Variants in SPTLC1 observed in about 807,000 individuals in gnomAD.
SPTLC1 encodes serine palmitoyltransferase long chain base subunit 1, also known as serine palmitoyltransferase 1.
A neutral mutation model predicts 68.9 loss-of-function variants in SPTLC1; 55 were observed. That is an observed-to-expected ratio of 0.80 (90% CI 0.64 to 1.00). The LOEUF (loss-of-function observed/expected upper bound fraction) is 1.00, where lower values mean the gene tolerates loss of function less well. Ranked by LOEUF, SPTLC1 falls within the 50% of genes least tolerant of loss-of-function variation. SPTLC1 has a pLI of 0.00. For synonymous variants in SPTLC1, 197 were observed against 201.6 expected (o/e 0.98, Z 0.19); for missense variants, 449 against 573.1 (o/e 0.78, Z 2.21).
intron 1 of SPTLC1, among the ~76,000 whole-genome samples, chr9:92,114,437 T>C (rs1467052908): frequency 6.6e-6 from 1 of 151,970 alleles, no homozygotes; most frequent in African/African-American, 2.4e-5. Context: ...TTAACTATTC[T>C]TCCTTTAAAA....
At chr9:92,033,094 GGCAGGGAATCT>G (rs1165587659) in intron 14 of SPTLC1, among the ~76,000 whole-genome samples, 1 of 152,000 alleles carries the variant, frequency 6.6e-6, no homozygotes, top group Non-Finnish European at 1.5e-5. Context: ...GGGTTGCTGC[GGCAGGGAATCT>G]GCAGCCTGAA....
chr9:92,079,272 C>T (rs1217065172), intron 5 of SPTLC1: 1 of 671,490 alleles, frequency 1.5e-6, no homozygotes, highest in South Asian at 2.5e-5. Flanking sequence ...GACGAGGTTT[C>T]AGCATGTTGG....
Position 92,055,485 on chromosome 9 carries a change from T to C in SPTLC1, c.700A>G (p.Lys234Glu). The change falls in exon 8 of 15, where the codon AAG (lysine) becomes GAG (glutamate). Residue 234 changes from lysine to glutamate, a missense_variant. Around this residue, in one of 3 missense-constraint regions of SPTLC1, gnomAD observed 391 missense variants for 472.1 expected, o/e 0.83. Coordinates refer to ENST00000262554, the MANE Select transcript of SPTLC1 (RefSeq NM_006415.4). ...ATGAAACGCCGAGTTACACGAGCCT[T>C]GCGAGGATTCTTTAAAAGAGAAAAA... is the stretch of plus-strand genomic sequence containing the variant. ...QEIEDQKNPRKARVTRRFIVV... is the reference protein window; with the variant it reads ...QEIEDQKNPREARVTRRFIVV... 6.2e-7 allele frequency: 1 copy of C among 1,613,606 alleles called. No homozygotes were observed. The highest frequency in any genetic ancestry group is 8.5e-7 in the Non-Finnish European group (1 of 1,179,974).
chr9:92,032,890 AC>A (rs1257795966), intron 14 of SPTLC1, among the ~76,000 whole-genome samples: 28 of 148,250 alleles, frequency 1.9e-4, no homozygotes, highest in African/African-American at 6.3e-4. Context: ...AAAAAAAAAA[AC>A]CAAAAACAAA....
intron 3 of SPTLC1, among the ~76,000 whole-genome samples, chr9:92,090,037 C>T (rs1835297615): frequency 6.6e-6 from 1 of 152,174 alleles, no homozygotes; most frequent in African/African-American, 2.4e-5. Flanking sequence ...AGATTACCTT[C>T]TCTGAATCTC....
chr9:92,088,974 A>G (rs1004298522), intron 3 of SPTLC1, among the ~76,000 whole-genome samples: 27 of 152,256 alleles, frequency 1.8e-4, no homozygotes, highest in African/African-American at 5.3e-4. Context: ...AACTTTCCCA[A>G]TCAAAAACCA....
At chr9:92,059,042 C>G in intron 7 of SPTLC1, 137 bp downstream of exon 7, 2 of 1,035,120 alleles carry the variant, frequency 1.9e-6, no homozygotes, top group Admixed American at 4.4e-5. Flanking sequence ...ACACCAAGTA[C>G]ATTTAATAAG....
intron 3 of SPTLC1, chr9:92,108,408 G>C (rs564649941): frequency 3.0e-6 from 1 of 327,978 alleles, no homozygotes; most frequent in African/African-American, 2.2e-5. Context: ...TGAGGGTAAC[G>C]TGCGACAAAT....
intron 12 of SPTLC1, among the ~76,000 whole-genome samples, chr9:92,045,685 G>A (rs988446854): frequency 3.9e-5 from 6 of 152,086 alleles, no homozygotes; most frequent in East Asian, 1.9e-4. Flanking sequence ...TGCAGACATG[G>A]AGAGATGCTT....
intron 3 of SPTLC1, among the ~76,000 whole-genome samples, chr9:92,096,919 C>CAT (rs1428483453): frequency 6.6e-6 from 1 of 151,860 alleles, no homozygotes; most frequent in East Asian, 1.9e-4. Context: ...ATCTGCAAAT[C>CAT]ATATATCTGA....
chr9:92,084,051 T>C (rs1468995662), intron 3 of SPTLC1, among the ~76,000 whole-genome samples: 1 of 152,038 alleles, frequency 6.6e-6, no homozygotes, highest in Admixed American at 6.6e-5. Context: ...TTGTCTGTTA[T>C]TGGTGTATAA....
At chr9:92,072,249 C>T (rs1184333962) in intron 5 of SPTLC1, among the ~76,000 whole-genome samples, 2 of 152,216 alleles carry the variant, frequency 1.3e-5, no homozygotes, top group Admixed American at 6.5e-5. Flanking sequence ...CCAGCCCCCG[C>T]GAACACTCCC....
intron 6 of SPTLC1, among the ~76,000 whole-genome samples, chr9:92,059,898 G>A (rs1278664972): frequency 6.6e-6 from 1 of 152,084 alleles, no homozygotes; most frequent in African/African-American, 2.4e-5. Flanking sequence ...GGCCAAGTAG[G>A]AAGCTGAGCC....
chr9:92,083,385 A>C (rs1255348631), intron 3 of SPTLC1, among the ~76,000 whole-genome samples: 1 of 151,812 alleles, frequency 6.6e-6, no homozygotes, highest in Non-Finnish European at 1.5e-5. Flanking sequence ...TCTAACGTTT[A>C]AGTCTTTAAT....
In SPTLC1 at chr9:92,038,239, GA is replaced by G. The variant is rs771209816; in HGVS notation, c.1254+8del. 8.6e-5 allele frequency: 135 copies of G among 1,570,106 alleles called. No homozygotes were observed. The highest frequency in any genetic ancestry group is 1.2e-4 in the Non-Finnish European group (132 of 1,139,868). On this transcript the variant is annotated splice_region_variant and intron_variant, in intron 13 of 14. Transcript: ENST00000262554. Reference sequence around the variant, plus strand: ...TGTGGGGGGATGCCTCAAGTCAACGGATACTTACTTGATCTACAATTTCCTG... The same window carrying G: ...TGTGGGGGGATGCCTCAAGTCAACGGTACTTACTTGATCTACAATTTCCTG...
intron 14 of SPTLC1, 63 bp from the exon 15 acceptor site, chr9:92,032,621 T>TG (rs1833007450): frequency 3.7e-6 from 6 of 1,606,912 alleles, no homozygotes; most frequent in Non-Finnish European, 5.1e-6. Context: ...CTCACGCCTG[T>TG]AATCCCAGCA....
intron 3 of SPTLC1, among the ~76,000 whole-genome samples, chr9:92,103,744 C>CG (rs987341591): frequency 1.3e-5 from 2 of 152,202 alleles, no homozygotes; most frequent in Non-Finnish European, 2.9e-5. Flanking sequence ...GGAAAGGCCC[C>CG]GGGGGAGCCT....
chr9:92,068,096 C>A lies in SPTLC1; in HGVS notation c.430G>T (p.Val144Phe), dbSNP rs760951751. The change falls in exon 6 of 15, where the codon GTT (valine) becomes TTT (phenylalanine). Residue 144 changes from valine to phenylalanine, a missense_variant and splice_region_variant. Physicochemically the swap from Val to Phe is conservative, Grantham distance 50. Coordinates refer to ENST00000262554, the MANE Select transcript of SPTLC1 (RefSeq NM_006415.4). ...GPRGFYGTFD[V>F]HLDLEDRLAK... ...AGGCGGTCTTCCAAATCCAAATGAA[C>A]ATCTATTTCAGTTAAAAAAGTTAAA... 6.2e-7 allele frequency: 1 copy of A among 1,613,652 alleles called. No homozygotes were observed. Among genetic ancestry groups the A allele is most frequent in the Non-Finnish European group, 8.5e-7 (1 of 1,179,808 alleles).
chr9:92,077,361 A>T (rs1402023374), intron 5 of SPTLC1, among the ~76,000 whole-genome samples: 2 of 152,158 alleles, frequency 1.3e-5, no homozygotes, highest in Non-Finnish European at 2.9e-5. Context: ...CCGGACGGTC[A>T]GTTCTTGTTA....
Sources: gnomAD v4.1 joint callset for allele counts (sites outside exome capture counted in the v4.1 genomes callset) on GRCh38, gnomAD v4.1.1 for gene constraint, gnomAD v4.1.1 regional missense constraint, MANE v1.5 for transcripts, NCBI Gene and HGNC (gene_info 2026-07-23, HGNC 2026-07-21) for gene names.